The following GUCA1C variants were observed in gnomAD, a reference collection of about 807,000 sequenced individuals.
The protein encoded by GUCA1C is guanylyl cyclase-activating protein 3.
A neutral mutation model predicts 16.2 loss-of-function variants in GUCA1C; 15 were observed. The ratio of observed to expected loss-of-function variants is 0.93; its 90% confidence interval spans 0.62 to 1.43. The LOEUF is 1.43. GUCA1C is among the 40% of genes most tolerant of loss of function. The pLI is 0.00. For missense variants in GUCA1C, 275 were observed against 244.8 expected, an observed-to-expected ratio of 1.12 and a Z score of -0.82; for synonymous variants, 78 against 85.4, an observed-to-expected ratio of 0.91 and a Z score of 0.48.
At chr3:108,927,674 C>A (rs1576549441) in intron 1 of GUCA1C, among the ~76,000 whole-genome samples, 1 of 152,136 alleles carries the variant, frequency 6.6e-6, no homozygotes, top group East Asian at 1.9e-4. Context: ...TCTTCACCTT[C>A]CTCTGGTGCT....
intron 1 of GUCA1C, among the ~76,000 whole-genome samples, chr3:108,928,107 A>C (rs971389849): frequency 1.3e-5 from 2 of 152,220 alleles, no homozygotes; most frequent in Non-Finnish European, 2.9e-5. Context: ...GTTTTTCAGC[A>C]TCTCAGGGAG....
Position 108,953,544 on chromosome 3 carries a change from A to C in GUCA1C, c.204+15T>G. 6.5e-7 allele frequency: 1 copy of C among 1,535,768 alleles called. No homozygotes were observed. Among genetic ancestry groups the C allele is most frequent in the Non-Finnish European group, 9.0e-7 (1 of 1,109,308 alleles). On this transcript the variant is annotated intron_variant, in intron 1 of 3. Transcript: ENST00000261047. Reference sequence around the variant, plus strand: ...CACAGCATTTTCAAATGAAATGAAAAATGAAAGATCTTACCTTGTTCGTGT... The same window carrying C: ...CACAGCATTTTCAAATGAAATGAAACATGAAAGATCTTACCTTGTTCGTGT...
chr3:108,926,598 G>A (rs139626839), intron 1 of GUCA1C, among the ~76,000 whole-genome samples: 30,358 of 151,812 alleles, frequency 0.2, 3,239 homozygotes, highest in African/African-American at 0.27. Flanking sequence ...CTCCTGCCTC[G>A]GCCTCCCGAG....
chr3:108,945,174 G>A (rs1212473819), intron 1 of GUCA1C, among the ~76,000 whole-genome samples: 2 of 152,206 alleles, frequency 1.3e-5, no homozygotes, highest in Admixed American at 6.5e-5. Context: ...CGGATGCTTA[G>A]GTGAGAATAG....
intron 1 of GUCA1C, among the ~76,000 whole-genome samples, chr3:108,929,752 C>G (rs1222878776): frequency 6.6e-6 from 1 of 152,124 alleles, no homozygotes; most frequent in Non-Finnish European, 1.5e-5. Flanking sequence ...AGATTTTGTC[C>G]TCTTCTGAAG....
chr3:108,925,220 T>G (rs531733945), intron 1 of GUCA1C, among the ~76,000 whole-genome samples: 44 of 152,232 alleles, frequency 2.9e-4, no homozygotes, highest in African/African-American at 1.1e-3. Flanking sequence ...AGGTGTGACC[T>G]TATTTGTGCT....
At chr3:108,911,056 T>C (rs900275696) in intron 3 of GUCA1C, among the ~76,000 whole-genome samples, 22 of 152,218 alleles carry the variant, frequency 1.4e-4, no homozygotes, top group African/African-American at 4.6e-4. Context: ...CTATTTGTTG[T>C]ATTGGTGGGT....
At chr3:108,954,756 A>C (rs2895347), upstream of GUCA1C, among the ~76,000 whole-genome samples, 16,694 of 114,694 alleles carry the variant, frequency 0.15, 999 homozygotes, top group Middle Eastern at 0.18. Flanking sequence ...TTTTTTTTTG[A>C]GATGGAGTCT....
In GUCA1C at chr3:108,907,793, T is replaced by C; in HGVS notation, c.*229A>G. 2.1e-6 allele frequency: 1 copy of C among 473,532 alleles called. No homozygotes were observed. The highest frequency in any genetic ancestry group is 3.7e-6 in the Non-Finnish European group (1 of 268,134). 29.3% of individuals were successfully genotyped at this position (473,532 alleles called of 1,614,324 possible). A position where few individuals can be genotyped will look rare whatever the true frequency, so the allele number is the denominator to read the frequency against. Reference sequence around the variant, plus strand: ...AACAGATAGGTATGGAGACAATCCTTTAGTGTAATCATTATGTTTTAATCT... The same window carrying C: ...AACAGATAGGTATGGAGACAATCCTCTAGTGTAATCATTATGTTTTAATCT... On this transcript the variant is annotated 3_prime_UTR_variant, in exon 4 of 4. Transcript: ENST00000261047.
chr3:108,953,909 A>C, upstream of GUCA1C: 1 of 613,180 alleles, frequency 1.6e-6, no homozygotes, highest in Non-Finnish European at 2.9e-6. Context: ...GCTAAATAAG[A>C]ATAGAAAGCC....
intron 2 of GUCA1C, among the ~76,000 whole-genome samples, chr3:108,919,497 G>T (rs1226816944): frequency 6.6e-6 from 1 of 151,948 alleles, no homozygotes; most frequent in African/African-American, 2.4e-5. Context: ...CATTTTTTTT[G>T]TGTGAATGAT....
chr3:108,924,565 C>A (rs1489475925), intron 1 of GUCA1C, among the ~76,000 whole-genome samples: 1 of 151,940 alleles, frequency 6.6e-6, no homozygotes, highest in Non-Finnish European at 1.5e-5. Context: ...AGGGTTTTTG[C>A]ATCTTTGTTC....
intron 3 of GUCA1C, among the ~76,000 whole-genome samples, chr3:108,910,730 A>C (rs1355363902): frequency 6.6e-6 from 1 of 150,482 alleles, no homozygotes; most frequent in Non-Finnish European, 1.5e-5. Context: ...GCTGACTGCA[A>C]GCTCCGCCTC....
At chr3:108,937,964 G>T (rs957130880) in intron 1 of GUCA1C, among the ~76,000 whole-genome samples, 1 of 151,992 alleles carries the variant, frequency 6.6e-6, no homozygotes, top group African/African-American at 2.4e-5. Context: ...CCAGCTACTC[G>T]GGAGGCTAAG....
intron 1 of GUCA1C, among the ~76,000 whole-genome samples, chr3:108,939,608 T>C (rs922470719): frequency 6.6e-6 from 1 of 151,000 alleles, no homozygotes; most frequent in Admixed American, 6.6e-5. Context: ...ATTACAGGCA[T>C]GAGCCACCGC....
Position 108,948,847 on chromosome 3 carries a change from A to ATT in GUCA1C, c.204+4710_204+4711dup, listed in dbSNP as rs36115653. On this transcript the variant is annotated intron_variant, in intron 1 of 3. Transcript: ENST00000261047. ...AAACTTGTGTCTAACAGATCTGGGA[A>ATT]TTTTTTTTTTTTTTTCCTGAGATGG... 6.4e-3 allele frequency among the ~76,000 whole-genome samples: 918 copies of ATT among 143,670 alleles called. 8 individuals are homozygous for ATT. The highest frequency in any genetic ancestry group is 0.021 in the African/African-American group (806 of 38,982). 94.3% of individuals were successfully genotyped at this position (143,670 alleles called of 152,430 possible). A position where few individuals can be genotyped will look rare whatever the true frequency, so the allele number is the denominator to read the frequency against.
intron 1 of GUCA1C, among the ~76,000 whole-genome samples, chr3:108,928,520 A>G (rs921081767): frequency 1.3e-5 from 2 of 152,130 alleles, no homozygotes; most frequent in Admixed American, 6.5e-5. Flanking sequence ...ACCAAACCCA[A>G]TGTCATCTAG....
chr3:108,936,980 T>A (rs1559846411), intron 1 of GUCA1C, among the ~76,000 whole-genome samples: 1 of 152,152 alleles, frequency 6.6e-6, no homozygotes, highest in African/African-American at 2.4e-5. Context: ...GTGTCCATTT[T>A]GGAATCCTTA....
At chr3:108,950,071 G>A (rs1364608006) in intron 1 of GUCA1C, among the ~76,000 whole-genome samples, 1 of 152,150 alleles carries the variant, frequency 6.6e-6, no homozygotes, top group Non-Finnish European at 1.5e-5. Context: ...TCCTTGGCAA[G>A]AGCCATTCTA....
Sources: gnomAD v4.1 joint callset for allele counts (sites outside exome capture counted in the v4.1 genomes callset) on GRCh38, gnomAD v4.1.1 for gene constraint, MANE v1.5 for transcripts, NCBI Gene and HGNC (gene_info 2026-07-23, HGNC 2026-07-21) for gene names.